DEF6: variants seen among roughly 807,000 people sequenced by gnomAD.
DEF6 encodes differentially expressed in FDCP 6 homolog.
Under a neutral mutation model 80.5 loss-of-function variants are expected in DEF6, and 32 were observed. The observed-to-expected ratio is 0.40, with a 90% CI of 0.30 to 0.53. The LOEUF (loss-of-function observed/expected upper bound fraction) is 0.53. Among genes scored for constraint, DEF6 ranks in the 20% least tolerant of loss-of-function variants. The pLI is 0.57. For synonymous variants in DEF6, 300 were observed against 337.9 expected (o/e 0.89, Z 1.23); for missense variants, 575 against 818.7 (o/e 0.70, Z 3.63).
chr6:35,312,250 T>C lies in DEF6; in HGVS notation c.424-52T>C. 6.6e-7 allele frequency: 1 copy of C among 1,520,296 alleles called. No individual in the cohort carries two copies. 94.2% of individuals were successfully genotyped at this position (1,520,296 alleles called of 1,614,324 possible). ...CAGATAGAGCACTCCCTGGTGTTGG[T>C]GCTGGCAACACCACCTGCTGCAGCT... is the stretch of plus-strand genomic sequence containing the variant. On this transcript the variant is annotated intron_variant, in intron 3 of 10. Transcript: ENST00000316637. The surrounding 1 kb of genome is among the most constrained non-coding windows in gnomAD (Gnocchi z 6.6).
chr6:35,299,753 T>C (rs1791289279), intron 1 of DEF6, among the ~76,000 whole-genome samples: 1 of 151,640 alleles, frequency 6.6e-6, no homozygotes, highest in Non-Finnish European at 1.5e-5. Context: ...TTGTCAACTC[T>C]GGAAACCTGG....
At position 35,318,278 on chromosome 6, in the gene DEF6, C is replaced by G; in HGVS notation, c.1022C>G (p.Ala341Gly). The change falls in exon 7 of 11, where the codon GCG becomes GGG. Residue 341 changes from alanine to glycine, a missense_variant. Ala to Gly is a moderately conservative substitution (Grantham distance 60). Coordinates refer to ENST00000316637, the MANE Select transcript of DEF6 (RefSeq NM_022047.4). The surrounding 1 kb of genome is among the most constrained non-coding windows in gnomAD (Gnocchi z 5.1). ...EQREQRERRR[A>G]AKEEELLRLQ... The stretch of plus-strand genomic sequence containing the variant: ...CGGGAGCAGCGGGAGCGGCGCCGGG[C>G]GGCCAAGGAAGAGGAGCTGCTGCGG... 6.4e-7 allele frequency: 1 copy of G among 1,566,026 alleles called. No individual in the cohort carries two copies. Among genetic ancestry groups the G allele is most frequent in the Non-Finnish European group, 8.6e-7 (1 of 1,157,142 alleles).
Position 35,309,797 on chromosome 6 carries a change from A to G in DEF6, c.224A>G (p.Tyr75Cys). The G allele has an allele frequency of 6.2e-7, 1 of 1,614,018 alleles. No individual in the cohort carries two copies. Among genetic ancestry groups the G allele is most frequent in the Non-Finnish European group, 8.5e-7 (1 of 1,179,976 alleles). The stretch of plus-strand genomic sequence containing the variant: ...GGATACATGCCCTACCTCAACAAGT[A>G]CATCCTGGACAAGGTGGGGCCCAGC... ...SQGYMPYLNK[Y>C]ILDKVEEGAF... Residue 75 changes from tyrosine to cysteine, a missense_variant, in exon 2 of 11, where the codon TAC (tyrosine) becomes TGC (cysteine). Coordinates refer to ENST00000316637, the MANE Select transcript of DEF6 (RefSeq NM_022047.4).
chr6:35,299,290 G>A (rs763500870), intron 1 of DEF6, among the ~76,000 whole-genome samples: 1 of 152,044 alleles, frequency 6.6e-6, no homozygotes, highest in Non-Finnish European at 1.5e-5. Context: ...GAAAAAAGTC[G>A]ATCATCCAAA....
At chr6:35,310,678 C>T in intron 3 of DEF6, 34 bp downstream of exon 3, 1 of 1,612,808 alleles carries the variant, frequency 6.2e-7, no homozygotes, top group Non-Finnish European at 8.5e-7. Context: ...GACTGAATCA[C>T]TTGGGACCAG....
intron 3 of DEF6, 113 bp downstream of exon 3, chr6:35,310,757 C>G: frequency 9.2e-7 from 1 of 1,082,424 alleles, no homozygotes; most frequent in Middle Eastern, 2.8e-4. Flanking sequence ...TCTTTCTTTA[C>G]CATCTTCCCA....
At chr6:35,308,217 G>A (rs1020841290) in intron 1 of DEF6, among the ~76,000 whole-genome samples, 3 of 152,142 alleles carry the variant, frequency 2.0e-5, no homozygotes, top group Non-Finnish European at 4.4e-5. Flanking sequence ...AGGTGATTGT[G>A]AAGACTAGAA....
chr6:35,320,161 A>G, intron 9 of DEF6, 144 bp downstream of exon 9: 1 of 733,392 alleles, frequency 1.4e-6, no homozygotes. Flanking sequence ...AACTTCTTGG[A>G]GTTAGTCTCT....
In DEF6 at chr6:35,312,726, A is replaced by G. The variant is rs1255607181; in HGVS notation, c.761A>G (p.Lys254Arg). Residue 254 changes from lysine (K) to arginine (R), a missense_variant, in exon 5 of 11, where the codon AAA becomes AGA. By Grantham distance (26) the Lys-to-Arg change is conservative. Coordinates refer to ENST00000316637, the MANE Select transcript of DEF6 (RefSeq NM_022047.4). This position sits in a 1 kb window ranked among gnomAD's most constrained non-coding sequence, Gnocchi z 6.6. ...TGCTACTTTGGGAGTGAAGAGTGCA[A>G]AGAGAAAAGGGGCATTATCCCGCTG... ...CLCYFGSEEC[K>R]EKRGIIPLDA... The G allele has an allele frequency of 3.1e-6, 5 of 1,613,256 alleles. No individual in the cohort carries two copies. The highest frequency in any genetic ancestry group is 2.5e-6 in the Non-Finnish European group (3 of 1,179,652).
rs547573694 is a variant in DEF6, at chr6:35,319,873, G to A, written c.1437G>A (p.Glu479=). 4.4e-6 allele frequency: 7 copies of A among 1,585,252 alleles called. No homozygotes were observed. The highest frequency in any genetic ancestry group is 6.0e-6 in the Non-Finnish European group (7 of 1,165,774). Residue 479 remains glutamate, a synonymous_variant, in exon 9 of 11, where the codon GAG becomes GAA. Transcript: ENST00000316637. The surrounding 1 kb of genome is among the most constrained non-coding windows in gnomAD (Gnocchi z 4.5). Reference sequence around the variant, plus strand: ...AGCAGTTGATGCAGCTGAAGGAGGAGCAGGAGCGCTACATCGAACGGGCGC... The same window carrying A: ...AGCAGTTGATGCAGCTGAAGGAGGAACAGGAGCGCTACATCGAACGGGCGC... ...KLKQLMQLKE[E]QERYIERAQQ... is the part of the protein sequence containing the mutation.
chr6:35,311,544 T>G (rs1200256616), intron 3 of DEF6, among the ~76,000 whole-genome samples: 1 of 152,180 alleles, frequency 6.6e-6, no homozygotes, highest in Non-Finnish European at 1.5e-5. Flanking sequence ...CTGGGGCAGG[T>G]GAGGGACATG....
Position 35,312,802 on chromosome 6 carries a change from C to T in DEF6, c.807+30C>T. 6.2e-7 allele frequency: 1 copy of T among 1,600,254 alleles called. No homozygotes were observed. The highest frequency in any genetic ancestry group is 8.5e-7 in the Non-Finnish European group (1 of 1,173,158). On this transcript the variant is annotated intron_variant, in intron 5 of 10. Transcript: ENST00000316637. This position sits in a 1 kb window ranked among gnomAD's most constrained non-coding sequence, Gnocchi z 6.6. Reference sequence around the variant, plus strand: ...GGGGCAGGATGGGGGTGGAGGACATCTCAGGGCCCAGAGTGTCCTCAGGGG... The same window carrying T: ...GGGGCAGGATGGGGGTGGAGGACATTTCAGGGCCCAGAGTGTCCTCAGGGG...
chr6:35,321,699 G>A lies in DEF6; in HGVS notation c.*289G>A, dbSNP rs546506263. 1.6e-5 allele frequency: 5 copies of A among 303,598 alleles called. No homozygotes were observed. Among genetic ancestry groups the A allele is most frequent in the East Asian group, 1.1e-4 (2 of 18,058 alleles). The allele number at this position is 303,598 out of a possible 1,614,324, so 18.8% of individuals were successfully genotyped here. ...CTAGGAAAGAGAGAACAAGCAAGCC[G>A]GGGCTACCTGCCCCCAGGTGGCCAC... On this transcript the variant is annotated 3_prime_UTR_variant, in exon 11 of 11. Transcript: ENST00000316637.
chr6:35,307,926 A>T (rs1412291762), intron 1 of DEF6, among the ~76,000 whole-genome samples: 1 of 152,210 alleles, frequency 6.6e-6, no homozygotes. Context: ...TCCAAGGTGA[A>T]CTGCTGGTGG....
At position 35,319,556 on chromosome 6, in the gene DEF6, G is replaced by C; in HGVS notation, c.1248G>C (p.Leu416=). 1 of 1,613,674 alleles carries C rather than the reference G, an allele frequency of 6.2e-7. No homozygotes were observed. Among genetic ancestry groups the C allele is most frequent in the Non-Finnish European group, 8.5e-7 (1 of 1,179,866 alleles). ...ARASMQAEME[L]KEEEAARQRQ... is the part of the protein sequence containing the mutation. Reference sequence around the variant, plus strand: ...CCTCCATGCAGGCTGAGATGGAGCTGAAGGAGGAGGAGGCTGCCCGGCAGC... The same window carrying C: ...CCTCCATGCAGGCTGAGATGGAGCTCAAGGAGGAGGAGGCTGCCCGGCAGC... The change falls in exon 8 of 11, where the codon CTG becomes CTC. Residue 416 remains leucine, a synonymous_variant. Transcript: ENST00000316637. The surrounding 1 kb of genome is among the most constrained non-coding windows in gnomAD (Gnocchi z 4.5).
rs771845905 is a variant in DEF6, at chr6:35,320,918, A to G, written c.1616A>G (p.Asn539Ser). Reference sequence around the variant, plus strand: ...AGAAAACTGCGCCAGGCCAGCACCAACGTGAAACACTGGAATGTCCAGATG... The same window carrying G: ...AGAAAACTGCGCCAGGCCAGCACCAGCGTGAAACACTGGAATGTCCAGATG... ...AQRKLRQAST[N>S]VKHWNVQMNR... Residue 539 changes from asparagine (N) to serine (S), a missense_variant, in exon 10 of 11, where the codon AAC becomes AGC. By Grantham distance (46) the Asn-to-Ser change is conservative. Transcript: ENST00000316637. 6.2e-7 allele frequency: 1 copy of G among 1,611,906 alleles called. No homozygotes were observed. Among genetic ancestry groups the G allele is most frequent in the Non-Finnish European group, 8.5e-7 (1 of 1,178,768 alleles).
chr6:35,311,753 C>T (rs144346735), intron 3 of DEF6, among the ~76,000 whole-genome samples: 1 of 152,296 alleles, frequency 6.6e-6, no homozygotes, highest in East Asian at 1.9e-4. Flanking sequence ...ACCTCTACTC[C>T]CCACTCCCCA....
Position 35,319,991 on chromosome 6 carries a change from C to A in DEF6, c.1555C>A (p.Arg519=), listed in dbSNP as rs748091203. 2.6e-6 allele frequency: 4 copies of A among 1,563,478 alleles called. No individual in the cohort carries two copies. In the African/African-American group the frequency reaches 4.0e-5, roughly 16 times the overall value. The part of the protein sequence containing the change: ...QQQLEEVRQN[R]QRADEDVEAA... Reference sequence around the variant, plus strand: ...GCAGCTGGAGGAGGTGCGGCAGAACCGGCAGAGGGCTGACGAGGATGTGGA... The same window carrying A: ...GCAGCTGGAGGAGGTGCGGCAGAACAGGCAGAGGGCTGACGAGGATGTGGA... The change falls in exon 9 of 11, where the codon CGG becomes AGG. Residue 519 remains arginine (R), a synonymous_variant. Transcript: ENST00000316637. This position sits in a 1 kb window ranked among gnomAD's most constrained non-coding sequence, Gnocchi z 4.5.
rs1233397521 is a variant in DEF6, at chr6:35,310,658, C to T, written c.423+14C>T. The T allele has an allele frequency of 6.2e-7, 1 of 1,614,016 alleles. No homozygotes were observed. The highest frequency in any genetic ancestry group is 1.7e-5 in the Admixed American group (1 of 60,018). On this transcript the variant is annotated intron_variant, in intron 3 of 10. Coordinates refer to ENST00000316637, the MANE Select transcript of DEF6 (RefSeq NM_022047.4). ...GTTCCTGATGAGGTGAGGGTGATGG[C>T]AGCCCCAGGGACTGAATCACTTGGG...
Sources: allele counts gnomAD v4.1 joint callset (sites outside exome capture counted in the v4.1 genomes callset), GRCh38; gene constraint gnomAD v4.1.1; non-coding constraint Gnocchi (gnomAD v3.1); transcripts MANE v1.5; gene names NCBI Gene and HGNC (gene_info 2026-07-23, HGNC 2026-07-21).